Variants in CCDC18 observed in about 807,000 individuals in gnomAD.
The protein encoded by CCDC18 is coiled-coil domain-containing protein 18.
A neutral mutation model predicts 196.0 loss-of-function variants in CCDC18; 157 were observed. The ratio of observed to expected loss-of-function variants is 0.80; its 90% CI spans 0.70 to 0.91. The LOEUF (loss-of-function observed/expected upper bound fraction) is 0.91. Among genes scored for constraint, CCDC18 ranks in the 40% least tolerant of loss-of-function variants. The pLI, the probability that CCDC18 is intolerant of heterozygous loss-of-function variation, is 0.00. For synonymous variants in CCDC18, 482 were observed against 529.2 expected (o/e 0.91, Z 1.22); for missense variants, 1,465 against 1,611.6 (o/e 0.91, Z 1.56).
intron 21 of CCDC18, among the ~76,000 whole-genome samples, chr1:93,245,873 C>G (rs1345960464): frequency 2.0e-5 from 3 of 152,016 alleles, no homozygotes. Flanking sequence ...ATCTGTAATA[C>G]CACAGTGTGA....
At chr1:93,258,934 AC>A (rs754015599) in intron 26 of CCDC18, 49 bp downstream of exon 26, 1 of 1,485,184 alleles carries the variant, frequency 6.7e-7, no homozygotes, top group South Asian at 1.3e-5. Flanking sequence ...AAGTAGGTTG[AC>A]CTATCTGGAC....
At chr1:93,254,693 G>T in intron 24 of CCDC18, 79 bp downstream of exon 24, 1 of 1,345,436 alleles carries the variant, frequency 7.4e-7, no homozygotes, top group African/African-American at 1.5e-5. Flanking sequence ...TAAACTGGTT[G>T]GTTTTAATAT....
intron 13 of CCDC18, 103 bp downstream of exon 13, chr1:93,216,849 G>T: frequency 9.2e-6 from 5 of 541,380 alleles, no homozygotes; most frequent in Admixed American, 4.1e-5. Context: ...ATATAGGAAA[G>T]TATAAATTCT....
At position 93,220,691 on chromosome 1, in the gene CCDC18, G is replaced by T. The variant is rs528105616; in HGVS notation, c.1963-918G>T. ...GCAGATTTGTCACATAGGTAAATGT[G>T]TGCCATGGTGGTTTGCTGCACAGAT... On this transcript the variant is annotated intron_variant, in intron 14 of 28. Coordinates refer to ENST00000690025, the MANE Select transcript of CCDC18 (RefSeq NM_001378204.1). Among the ~76,000 whole-genome samples the T allele has an allele frequency of 1.9e-4, 29 of 152,192 alleles. 1 individual carries two copies. The highest frequency in any genetic ancestry group is 6.7e-4 in the African/African-American group (28 of 41,498).
chr1:93,183,274 T>G, intron 1 of CCDC18, 86 bp from the exon 2 acceptor site: 49 of 889,238 alleles, frequency 5.5e-5, no homozygotes, highest in Non-Finnish European at 7.6e-5. Flanking sequence ...AGAAAACTAA[T>G]GAGTTAAATT....
At chr1:93,220,631 C>T (rs1657272791) in intron 14 of CCDC18, among the ~76,000 whole-genome samples, 1 of 151,954 alleles carries the variant, frequency 6.6e-6, no homozygotes, top group Non-Finnish European at 1.5e-5. Flanking sequence ...TTTTTTTCTT[C>T]AGCCGTTAAG....
chr1:93,233,677 C>T (rs1659584454), intron 18 of CCDC18, among the ~76,000 whole-genome samples: 1 of 152,158 alleles, frequency 6.6e-6, no homozygotes, highest in Non-Finnish European at 1.5e-5. Context: ...CAGCTCACTG[C>T]AACCTCCGCC....
chr1:93,270,964 C>T (rs1665207850), intron 28 of CCDC18, 150 bp downstream of exon 28: 1 of 1,383,186 alleles, frequency 7.2e-7, no homozygotes, highest in Non-Finnish European at 9.3e-7. Flanking sequence ...AAAATCAATA[C>T]CAAAAGACAT....
At chr1:93,262,152 A>C (rs1663890044) in intron 26 of CCDC18, 1 of 152,160 alleles carries the variant, frequency 6.6e-6, no homozygotes, top group African/African-American at 2.4e-5. Context: ...TCCACATGTG[A>C]GGATTACAAT....
At chr1:93,183,865 C>G in intron 2 of CCDC18, 113 bp from the exon 3 acceptor site, 1 of 583,754 alleles carries the variant, frequency 1.7e-6, no homozygotes, top group South Asian at 5.4e-5. Flanking sequence ...ATGTTCATAA[C>G]TGTGAATCTG....
intron 27 of CCDC18, among the ~76,000 whole-genome samples, chr1:93,265,774 G>A (rs1664417327): frequency 6.6e-6 from 1 of 152,072 alleles, no homozygotes; most frequent in East Asian, 1.9e-4. Flanking sequence ...CCCAATACAG[G>A]AGCACCCAGA....
chr1:93,269,414 T>C (rs1436245029), intron 27 of CCDC18, among the ~76,000 whole-genome samples: 1 of 151,308 alleles, frequency 6.6e-6, no homozygotes, highest in African/African-American at 2.4e-5. Flanking sequence ...ACCCTAGAAC[T>C]TAAAGTATTT....
intron 14 of CCDC18, 62 bp from the exon 15 acceptor site, chr1:93,221,547 A>T: frequency 8.8e-7 from 1 of 1,137,624 alleles, no homozygotes; most frequent in Non-Finnish European, 1.2e-6. Context: ...ACATGTATTT[A>T]ATATTTAAAA....
chr1:93,180,517 G>T (rs776326569), upstream of CCDC18: 3 of 1,531,252 alleles, frequency 2.0e-6, no homozygotes, highest in African/African-American at 2.8e-5. Flanking sequence ...TCCCCCTGAC[G>T]GCCTCCGGTT....
chr1:93,189,227 T>C (rs1651292332), intron 4 of CCDC18, among the ~76,000 whole-genome samples: 2 of 152,220 alleles, frequency 1.3e-5, no homozygotes, highest in African/African-American at 4.8e-5. Flanking sequence ...ACATGTGATA[T>C]TTGTCTTTCT....
intron 27 of CCDC18, among the ~76,000 whole-genome samples, chr1:93,269,472 AAAAAG>A (rs1664997070): frequency 2.0e-5 from 3 of 152,176 alleles, no homozygotes; most frequent in Admixed American, 2.0e-4. Flanking sequence ...AAAAAAAAAA[AAAAAG>A]GAAAATACCA....
At chr1:93,269,496 G>A (rs943745856) in intron 27 of CCDC18, among the ~76,000 whole-genome samples, 48 of 151,132 alleles carry the variant, frequency 3.2e-4, no homozygotes, top group African/African-American at 9.2e-4. Context: ...CAAAATATGC[G>A]TGTTAAACTT....
chr1:93,198,621 G>GA (rs1173674205), intron 6 of CCDC18, among the ~76,000 whole-genome samples: 1 of 151,992 alleles, frequency 6.6e-6, no homozygotes, highest in African/African-American at 2.4e-5. Flanking sequence ...AAAACTATAA[G>GA]AAAAAATCTA....
intron 18 of CCDC18, among the ~76,000 whole-genome samples, chr1:93,235,632 A>G (rs1477913510): frequency 6.6e-6 from 1 of 152,160 alleles, no homozygotes; most frequent in Non-Finnish European, 1.5e-5. Context: ...AGCTTTTTAC[A>G]GTGGGAAAGT....
Sources: gnomAD v4.1 joint callset for allele counts (sites outside exome capture counted in the v4.1 genomes callset) on GRCh38, gnomAD v4.1.1 for gene constraint, MANE v1.5 for transcripts, NCBI Gene and HGNC (gene_info 2026-07-23, HGNC 2026-07-21) for gene names.